LPCAT1: variants seen among roughly 807,000 people sequenced by gnomAD.
The protein encoded by LPCAT1 is 1-acylglycerol-3-phosphate O-acyltransferase.
A neutral mutation model predicts 60.9 loss-of-function variants in LPCAT1; 23 were observed. That is an observed-to-expected ratio of 0.38 (90% CI 0.27 to 0.53). The LOEUF is 0.53. Among genes scored for constraint, LPCAT1 ranks in the 20% least tolerant of loss-of-function variants. LPCAT1 has a pLI of 0.82. For missense variants in LPCAT1, 622 were observed against 723.6 expected (o/e 0.86, Z 1.61); for synonymous variants, 340 against 301.1 (o/e 1.13, Z -1.34).
In LPCAT1 at chr5:1,477,592, G is replaced by A. The variant is rs908452077; in HGVS notation, c.817-106C>T. 7.5e-6 allele frequency: 6 copies of A among 804,716 alleles called. No individual in the cohort carries two copies. The highest frequency in any genetic ancestry group is 3.4e-5 in the African/African-American group (2 of 58,162). The allele number at this position is 804,716 out of a possible 1,614,324, so 49.8% of individuals were successfully genotyped here. ...CAAAATTAAGATCTGTCAAAGTAAC[G>A]CCCATTAGAACCGTCTTCAAAGTTG... On this transcript the variant is annotated intron_variant, in intron 8 of 13. Coordinates refer to ENST00000283415, the MANE Select transcript of LPCAT1 (RefSeq NM_024830.5). This position sits in a 1 kb window ranked among gnomAD's most constrained non-coding sequence, Gnocchi z 6.0.
At chr5:1,518,561 C>A (rs536690757) in intron 1 of LPCAT1, among the ~76,000 whole-genome samples, 1 of 152,204 alleles carries the variant, frequency 6.6e-6, no homozygotes. Context: ...AGGATGGTCT[C>A]GATCTCCCGA....
intron 1 of LPCAT1, among the ~76,000 whole-genome samples, chr5:1,511,677 C>T (rs1227623716): frequency 6.6e-6 from 1 of 152,228 alleles, no homozygotes; most frequent in East Asian, 1.9e-4. Flanking sequence ...GAATTCCTCT[C>T]TTGAACACAG....
chr5:1,518,858 A>G (rs1170488914), intron 1 of LPCAT1, among the ~76,000 whole-genome samples: 1 of 152,246 alleles, frequency 6.6e-6, no homozygotes, highest in African/African-American at 2.4e-5. Flanking sequence ...CGGAGCCACG[A>G]CCACAGGCAG....
At position 1,491,123 on chromosome 5, in the gene LPCAT1, T is replaced by C. The variant is rs73031888; in HGVS notation, c.494-1265A>G. Among the ~76,000 whole-genome samples, 1,228 of 135,778 alleles carry C rather than the reference T, an allele frequency of 9.0e-3. 19 individuals carry two copies. Among genetic ancestry groups the C allele is most frequent in the African/African-American group, 0.031 (1,177 of 37,588 alleles). The allele number at this position is 135,778 out of a possible 152,430, so 89.1% of individuals were successfully genotyped here. A position where few individuals can be genotyped will look rare whatever the true frequency, so the allele number is the denominator to read the frequency against. On this transcript the variant is annotated intron_variant, in intron 3 of 13. Coordinates refer to ENST00000283415, the MANE Select transcript of LPCAT1 (RefSeq NM_024830.5). ...GGTTGTCTGTTGGGTCTCTGTGGTCTTTCCTATGTCTTGAATCATTTTGCT... is the reference window on the plus strand; with the variant it reads ...GGTTGTCTGTTGGGTCTCTGTGGTCCTTCCTATGTCTTGAATCATTTTGCT...
chr5:1,523,728 G>C lies in LPCAT1; in HGVS notation c.117C>G (p.Ser39Arg). The change falls in exon 1 of 14, where the codon AGC becomes AGG. Residue 39 changes from serine to arginine, a missense_variant. Coordinates refer to ENST00000283415, the MANE Select transcript of LPCAT1 (RefSeq NM_024830.5). The surrounding 1 kb of genome is among the most constrained non-coding windows in gnomAD (Gnocchi z 7.1). ...RNPFVHELRL[S>R]ALQKAQVALM... ...CACCCACCTGGGCCTTCTGCAGGGC[G>C]CTGAGGCGCAGCTCGTGCACGAAGG... 2 of 1,170,914 alleles carry C rather than the reference G, an allele frequency of 1.7e-6. No individual in the cohort carries two copies. Among genetic ancestry groups the C allele is most frequent in the East Asian group, 9.9e-5 (2 of 20,216 alleles). 72.5% of individuals were successfully genotyped at this position (1,170,914 alleles called of 1,614,324 possible).
chr5:1,479,689 T>G lies in LPCAT1; in HGVS notation c.762-14A>C. The G allele has an allele frequency of 1.9e-6, 3 of 1,602,050 alleles. No individual in the cohort carries two copies. The highest frequency in any genetic ancestry group is 2.6e-6 in the Non-Finnish European group (3 of 1,169,254). ...AGGATTTCCAGCCTTAAAAACAGAT[T>G]GCACAATGTTGAGCAGATTTACAAC... On this transcript the variant is annotated splice_polypyrimidine_tract_variant and intron_variant, in intron 7 of 13. Coordinates refer to ENST00000283415, the MANE Select transcript of LPCAT1 (RefSeq NM_024830.5).
intron 1 of LPCAT1, among the ~76,000 whole-genome samples, chr5:1,504,954 A>G (rs62331145): frequency 3.7e-4 from 55 of 147,390 alleles, no homozygotes; most frequent in Non-Finnish European, 5.6e-4. Context: ...CTTCCACCAG[A>G]GTGTGGAATA....
At chr5:1,479,269 T>C (rs984743141) in intron 8 of LPCAT1, among the ~76,000 whole-genome samples, 1 of 152,038 alleles carries the variant, frequency 6.6e-6, no homozygotes, top group Non-Finnish European at 1.5e-5. Flanking sequence ...TGTGGTCCAA[T>C]TACGTGGGAG....
chr5:1,484,551 G>C (rs969135966), intron 5 of LPCAT1, among the ~76,000 whole-genome samples: 8 of 152,308 alleles, frequency 5.3e-5, no homozygotes, highest in African/African-American at 1.9e-4. Flanking sequence ...CCACTATGTG[G>C]TCAGGAATTT....
Position 1,496,680 on chromosome 5 carries a change from T to C in LPCAT1, c.279-1766A>G, listed in dbSNP as rs924081340. On this transcript the variant is annotated intron_variant, in intron 2 of 13. Coordinates refer to ENST00000283415, the MANE Select transcript of LPCAT1 (RefSeq NM_024830.5). The surrounding 1 kb of genome is among the most constrained non-coding windows in gnomAD (Gnocchi z 4.7). ...CAGACGGTGCTCAGGGGAACTGTAC[T>C]GGGTGTCGGGGCAGGGAAAAAGCAG... Among the ~76,000 whole-genome samples the C allele has an allele frequency of 2.0e-5, 3 of 152,180 alleles. No homozygotes were observed. Among genetic ancestry groups the C allele is most frequent in the Admixed American group, 1.3e-4 (2 of 15,284 alleles).
chr5:1,499,880 C>T (rs565317875), intron 2 of LPCAT1, among the ~76,000 whole-genome samples: 1 of 152,372 alleles, frequency 6.6e-6, no homozygotes, highest in Admixed American at 6.5e-5. Context: ...ATGTCAGCTC[C>T]CATCAGCCTC....
At chr5:1,474,960 C>T (rs1734840880) in intron 9 of LPCAT1, among the ~76,000 whole-genome samples, 1 of 152,242 alleles carries the variant, frequency 6.6e-6, no homozygotes, top group Non-Finnish European at 1.5e-5. Context: ...GTGAGAATTA[C>T]CAACATGTGA....
At position 1,495,906 on chromosome 5, in the gene LPCAT1, C is replaced by T. The variant is rs1162932055; in HGVS notation, c.279-992G>A. 3.3e-5 allele frequency among the ~76,000 whole-genome samples: 5 copies of T among 152,176 alleles called. No individual in the cohort carries two copies. The highest frequency in any genetic ancestry group is 2.6e-4 in the Admixed American group (4 of 15,284). On this transcript the variant is annotated intron_variant, in intron 2 of 13. Coordinates refer to ENST00000283415, the MANE Select transcript of LPCAT1 (RefSeq NM_024830.5). The surrounding 1 kb of genome is among the most constrained non-coding windows in gnomAD (Gnocchi z 4.7). ...GCTAGGAGGGCACAAAGCCTCCTCT[C>T]GTGGGGCCACCTTGGAATGGCCTTT...
At chr5:1,466,943 C>T in intron 12 of LPCAT1, 53 bp from the exon 13 acceptor site, 1 of 1,462,978 alleles carries the variant, frequency 6.8e-7, no homozygotes, top group South Asian at 1.4e-5. Context: ...CCCACCAGGC[C>T]CCGCTGTCCA....
intron 1 of LPCAT1, among the ~76,000 whole-genome samples, chr5:1,507,201 C>T (rs531731134): frequency 1.3e-5 from 2 of 152,284 alleles, no homozygotes; most frequent in African/African-American, 2.4e-5. Context: ...ACACTGTGGA[C>T]GCCTGCAGAC....
chr5:1,514,883 C>A (rs1030279403), intron 1 of LPCAT1, among the ~76,000 whole-genome samples: 3 of 152,228 alleles, frequency 2.0e-5, no homozygotes, highest in Non-Finnish European at 2.9e-5. Flanking sequence ...ACAGGCCCTC[C>A]GGAGCTGTGG....
chr5:1,472,795 G>T (rs28698273), intron 11 of LPCAT1, among the ~76,000 whole-genome samples: 5,638 of 152,124 alleles, frequency 0.037, 163 homozygotes, highest in Middle Eastern at 0.058. Flanking sequence ...CCCGCGGCTG[G>T]GGGCCCCTTA....
rs1490325993 is a variant in LPCAT1, at chr5:1,463,596, C to G, written c.*55G>C. 1 of 1,587,880 alleles carries G rather than the reference C, an allele frequency of 6.3e-7. No individual in the cohort carries two copies. On this transcript the variant is annotated 3_prime_UTR_variant, in exon 14 of 14. Coordinates refer to ENST00000283415, the MANE Select transcript of LPCAT1 (RefSeq NM_024830.5). ...AGCCCAGAGGTCACTCGCAAAGAGG[C>G]TCATGGCGGTGATGTCCACGCGGGA... is the stretch of plus-strand genomic sequence containing the variant.
Position 1,495,028 on chromosome 5 carries a change from C to T in LPCAT1, c.279-114G>A. 1 of 963,532 alleles carries T rather than the reference C, an allele frequency of 1.0e-6. No homozygotes were observed. Among genetic ancestry groups the T allele is most frequent in the Non-Finnish European group, 1.5e-6 (1 of 659,980 alleles). The allele number at this position is 963,532 out of a possible 1,614,324, so 59.7% of individuals were successfully genotyped here. On this transcript the variant is annotated intron_variant, in intron 2 of 13. Coordinates refer to ENST00000283415, the MANE Select transcript of LPCAT1 (RefSeq NM_024830.5). The surrounding 1 kb of genome is among the most constrained non-coding windows in gnomAD (Gnocchi z 4.7). ...TCCAGGGCGCAGTCCAGGCCACGGG[C>T]TTCCTGTGGTCGCCGCCGCTGGGAC...
Sources: allele counts gnomAD v4.1 joint callset (sites outside exome capture counted in the v4.1 genomes callset), GRCh38; gene constraint gnomAD v4.1.1; non-coding constraint Gnocchi (gnomAD v3.1); transcripts MANE v1.5; gene names NCBI Gene and HGNC (gene_info 2026-07-23, HGNC 2026-07-21).